The following SLC43A1 variants were observed in gnomAD, a reference collection of about 807,000 sequenced individuals.
SLC43A1 encodes solute carrier family 43 member 1, also known as large neutral amino acids transporter small subunit 3.
In SLC43A1, 31 loss-of-function variants were observed where a neutral mutation model predicts 59.5. The observed-to-expected ratio is 0.52, with a 90% confidence interval of 0.39 to 0.70. The LOEUF is 0.70. SLC43A1 is among the 30% of genes least tolerant of loss of function. SLC43A1 has a pLI of 0.00. For synonymous variants in SLC43A1, 259 were observed against 290.9 expected, an observed-to-expected ratio of 0.89 and a Z score of 1.12; for missense variants, 598 against 717.8, an observed-to-expected ratio of 0.83 and a Z score of 1.91.
At chr11:57,489,081 T>G in intron 12 of SLC43A1, 92 bp from the exon 13 acceptor site, 1 of 1,445,976 alleles carries the variant, frequency 6.9e-7, no homozygotes. Flanking sequence ...TGGGCCTCAA[T>G]TCCCACCCCC....
At chr11:57,503,976 A>T (rs1403109209) in intron 2 of SLC43A1, among the ~76,000 whole-genome samples, 1 of 152,092 alleles carries the variant, frequency 6.6e-6, no homozygotes, top group African/African-American at 2.4e-5. Context: ...GGTAAATCAC[A>T]AAGTCAGGAG....
At chr11:57,489,536 T>C (rs1248031118) in intron 11 of SLC43A1, 144 bp from the exon 12 acceptor site, 15 of 993,630 alleles carry the variant, frequency 1.5e-5, no homozygotes, top group Middle Eastern at 2.2e-4. Context: ...GGGAAACCCA[T>C]AGAAACCCAC....
rs1246611344 is a variant in SLC43A1 at position 57,488,806 on chromosome 11, TC to T, written c.1409+109del. 3.4e-6 allele frequency: 3 copies of T among 888,172 alleles called. No homozygotes were observed. The African/African-American group carries it at 4.9e-5, about 15-fold the overall frequency. 55.0% of individuals were successfully genotyped at this position (888,172 alleles called of 1,614,324 possible). ...AAGTGAGCTCCCTGCCATCAGAGGGTCTCAGAGAGAGGTGCATTAGGGGATG... is the reference window on the plus strand; with the variant it reads ...AAGTGAGCTCCCTGCCATCAGAGGGTTCAGAGAGAGGTGCATTAGGGGATG... On this transcript the variant is annotated intron_variant, in intron 13 of 14. Coordinates refer to ENST00000278426, the MANE Select transcript of SLC43A1 (RefSeq NM_003627.6).
chr11:57,500,703 C>G (rs1246530774), intron 5 of SLC43A1, 76 bp downstream of exon 5: 1 of 1,322,142 alleles, frequency 7.6e-7, no homozygotes, highest in South Asian at 1.2e-5. Context: ...CCCATTCATA[C>G]TGCCCTCACC....
intron 2 of SLC43A1, among the ~76,000 whole-genome samples, chr11:57,512,205 G>A (rs1026036361): frequency 2.0e-5 from 3 of 152,144 alleles, no homozygotes; most frequent in Non-Finnish European, 2.9e-5. Context: ...ATATAAATTT[G>A]TCAGACCTCA....
At chr11:57,502,205 G>A (rs755028045) in intron 2 of SLC43A1, among the ~76,000 whole-genome samples, 3 of 152,230 alleles carry the variant, frequency 2.0e-5, no homozygotes, top group Non-Finnish European at 4.4e-5. Flanking sequence ...CTGCCCCCAG[G>A]CCTCCAAGTT....
rs563355646 is a variant in SLC43A1, at chr11:57,491,122, G to C, written c.1193+102C>G. 855 of 1,379,330 alleles carry C rather than the reference G, an allele frequency of 6.2e-4. 5 individuals carry two copies. The highest frequency in any genetic ancestry group is 4.9e-4 in the Non-Finnish European group (508 of 1,044,818). The allele number at this position is 1,379,330 out of a possible 1,614,324, so 85.4% of individuals were successfully genotyped here. A position where few individuals can be genotyped will look rare whatever the true frequency, so the allele number is the denominator to read the frequency against. On this transcript the variant is annotated intron_variant, in intron 11 of 14. Coordinates refer to ENST00000278426, the MANE Select transcript of SLC43A1 (RefSeq NM_003627.6). The stretch of plus-strand genomic sequence containing the variant: ...GGGGAGGTACCCCTGATCTCCTAGG[G>C]TTCTTGGGAGAAAGCAACAAGTTGC...
At chr11:57,499,402 GAA>G (rs1565133920) in intron 5 of SLC43A1, among the ~76,000 whole-genome samples, 1 of 151,986 alleles carries the variant, frequency 6.6e-6, no homozygotes. Context: ...GCTGGCTCAG[GAA>G]AAACCTCTAC....
intron 2 of SLC43A1, among the ~76,000 whole-genome samples, chr11:57,505,248 G>C (rs4939147): frequency 6.6e-6 from 1 of 152,038 alleles, no homozygotes; most frequent in Non-Finnish European, 1.5e-5. Flanking sequence ...GCAGTAGCTC[G>C]CACCTATAAT....
In SLC43A1 at chr11:57,494,912, G is replaced by C. The variant is rs553011939; in HGVS notation, c.693-741C>G. 2.0e-5 allele frequency among the ~76,000 whole-genome samples: 3 copies of C among 151,266 alleles called. No individual in the cohort carries two copies. The East Asian group carries it at 5.9e-4, about 30-fold the overall frequency. On this transcript the variant is annotated intron_variant, in intron 7 of 14. Coordinates refer to ENST00000278426, the MANE Select transcript of SLC43A1 (RefSeq NM_003627.6). ...TGCCCAGGCTGGAGTGCAATGGCAC[G>C]ATCTCGGCTCACCGCAACCTCAGCC...
chr11:57,512,867 G>A (rs1435516523), intron 2 of SLC43A1, among the ~76,000 whole-genome samples: 2 of 152,028 alleles, frequency 1.3e-5, no homozygotes, highest in Non-Finnish European at 2.9e-5. Context: ...GGCTGGATGC[G>A]GCAGATCCTG....
intron 7 of SLC43A1, among the ~76,000 whole-genome samples, chr11:57,494,773 C>T (rs780664948): frequency 2.0e-5 from 3 of 151,946 alleles, no homozygotes; most frequent in African/African-American, 4.8e-5. Context: ...CACATGGCAT[C>T]GAGTGCCATT....
Position 57,515,107 on chromosome 11 carries a change from T to C in SLC43A1, c.-14+337A>G. On this transcript the variant is annotated intron_variant, in intron 1 of 14. Coordinates refer to ENST00000278426, the MANE Select transcript of SLC43A1 (RefSeq NM_003627.6). The surrounding 1 kb of genome is among the most constrained non-coding windows in gnomAD (Gnocchi z 5.3). ...AGAGAGGGGAGGAAGTACCAGTCAC[T>C]TCTTCCAGGGGGACTCGGTATTCTC... 1 of 981,776 alleles carries C rather than the reference T, an allele frequency of 1.0e-6. No individual in the cohort carries two copies. The highest frequency in any genetic ancestry group is 4.7e-5 in the South Asian group (1 of 21,198). The allele number at this position is 981,776 out of a possible 1,614,324, so 60.8% of individuals were successfully genotyped here. A position where few individuals can be genotyped will look rare whatever the true frequency, so the allele number is the denominator to read the frequency against.
intron 11 of SLC43A1, 70 bp from the exon 12 acceptor site, chr11:57,489,462 C>T: frequency 6.4e-7 from 1 of 1,569,332 alleles, no homozygotes; most frequent in Non-Finnish European, 8.7e-7. Context: ...TGGCCTGGCC[C>T]CTCCCCCTTC....
chr11:57,511,058 A>G (rs1565143911), intron 2 of SLC43A1, among the ~76,000 whole-genome samples: 1 of 152,184 alleles, frequency 6.6e-6, no homozygotes, highest in Non-Finnish European at 1.5e-5. Flanking sequence ...AGCTCCTCAA[A>G]ATGTTAAACA....
chr11:57,492,398 G>GCTATTTT (rs1381970258), intron 8 of SLC43A1, among the ~76,000 whole-genome samples: 2 of 124,528 alleles, frequency 1.6e-5, no homozygotes, highest in Non-Finnish European at 3.3e-5. Context: ...GACCAGCCTG[G>GCTATTTT]TGGTCAACAT....
At position 57,514,196 on chromosome 11, in the gene SLC43A1, A is replaced by T. The variant is rs1944623553; in HGVS notation, c.-13-72T>A. Reference sequence around the variant, plus strand: ...GGGAAGGGTCCTGCATCATGGTGGCACCCGAGACCTCTCGGGCCAGCCCGC... The same window carrying T: ...GGGAAGGGTCCTGCATCATGGTGGCTCCCGAGACCTCTCGGGCCAGCCCGC... On this transcript the variant is annotated intron_variant, in intron 1 of 14. Transcript: ENST00000278426. The surrounding 1 kb of genome is among the most constrained non-coding windows in gnomAD (Gnocchi z 5.5). 1 of 1,459,126 alleles carries T rather than the reference A, an allele frequency of 6.9e-7. No homozygotes were observed. The highest frequency in any genetic ancestry group is 1.4e-5 in the African/African-American group (1 of 70,072). 90.4% of individuals were successfully genotyped at this position (1,459,126 alleles called of 1,614,324 possible). A position where few individuals can be genotyped will look rare whatever the true frequency, so the allele number is the denominator to read the frequency against.
Position 57,490,577 on chromosome 11 carries a change from G to A in SLC43A1, c.1193+647C>T, listed in dbSNP as rs1041822034. On this transcript the variant is annotated intron_variant, in intron 11 of 14. Coordinates refer to ENST00000278426, the MANE Select transcript of SLC43A1 (RefSeq NM_003627.6). ...AGCAGCCCTATGGAGAGGCCATGGG[G>A]GTAATTGAACTGACATAGATTCTCC... Among the ~76,000 whole-genome samples, 13 of 152,336 alleles carry A rather than the reference G, an allele frequency of 8.5e-5. No individual in the cohort carries two copies. In the East Asian group the frequency reaches 1.2e-3, roughly 14 times the overall value.
chr11:57,489,210 G>A, intron 12 of SLC43A1, 41 bp downstream of exon 12: 2 of 1,611,968 alleles, frequency 1.2e-6, no homozygotes, highest in Non-Finnish European at 1.7e-6. Flanking sequence ...CTTTGGAGGA[G>A]CCTCGGGAGG....
Sources: gnomAD v4.1 joint callset for allele counts (sites outside exome capture counted in the v4.1 genomes callset) on GRCh38, gnomAD v4.1.1 for gene constraint, Gnocchi (gnomAD v3.1) non-coding constraint, MANE v1.5 for transcripts, NCBI Gene and HGNC (gene_info 2026-07-23, HGNC 2026-07-21) for gene names.